HMGN5: variants seen among roughly 807,000 people sequenced by gnomAD.
The protein encoded by HMGN5 is high mobility group nucleosome-binding domain-containing protein 5.
HMGN5 carries 4 observed loss-of-function variants against 9.5 expected under a neutral mutation model. The ratio of observed to expected loss-of-function variants is 0.42; its 90% CI spans 0.21 to 0.96. The LOEUF is 0.96. Ranked by LOEUF, HMGN5 falls within the 40% of genes least tolerant of loss-of-function variation. The pLI is 0.30. For missense variants in HMGN5, 192 were observed against 187.5 expected, an observed-to-expected ratio of 1.02 and a Z score of -0.14; for synonymous variants, 55 against 57.1, an observed-to-expected ratio of 0.96 and a Z score of 0.16.
At chrX:81,149,267 G>A (rs1211162624) in intron 1 of HMGN5, among the ~76,000 whole-genome samples, 1 of 111,763 alleles carries the variant, frequency 8.9e-6, no homozygotes, top group African/African-American at 3.3e-5. Flanking sequence ...AAAAAATGTG[G>A]TGCATATACA....
chrX:81,122,350 G>T (rs1357679338), intron 1 of HMGN5, among the ~76,000 whole-genome samples: 1 of 112,002 alleles, frequency 8.9e-6, no homozygotes, highest in Non-Finnish European at 1.9e-5. Flanking sequence ...AATAGCAGAG[G>T]TCTATCCAAA....
intron 1 of HMGN5, among the ~76,000 whole-genome samples, chrX:81,156,998 C>T: frequency 8.9e-6 from 1 of 111,835 alleles, no homozygotes; most frequent in Non-Finnish European, 1.9e-5. Flanking sequence ...TGAGAACCTC[C>T]ATGAATTTTT....
intron 1 of HMGN5, among the ~76,000 whole-genome samples, chrX:81,193,443 G>T (rs1003667605): frequency 1.8e-5 from 2 of 112,306 alleles, no homozygotes; most frequent in Non-Finnish European, 3.8e-5. Flanking sequence ...AGGCTTTCCA[G>T]CTGACGTCCT....
At chrX:81,182,230 T>C (rs2147644843) in intron 1 of HMGN5, among the ~76,000 whole-genome samples, 1 of 112,534 alleles carries the variant, frequency 8.9e-6, no homozygotes, top group African/African-American at 3.2e-5. Context: ...TATCTGTTTA[T>C]CATTTTTATG....
intron 1 of HMGN5, among the ~76,000 whole-genome samples, chrX:81,183,677 G>A (rs781620088): frequency 8.8e-6 from 1 of 113,014 alleles, no homozygotes; most frequent in South Asian, 3.6e-4. Flanking sequence ...ACCTCTGCTA[G>A]GGCAGCATGG....
chrX:81,117,871 G>A (rs2075258622), intron 5 of HMGN5, among the ~76,000 whole-genome samples: 1 of 110,477 alleles, frequency 9.1e-6, no homozygotes, highest in African/African-American at 3.3e-5. Context: ...ATATTCTTAT[G>A]TATTAAGCAA....
Position 81,186,273 on chromosome X carries a change from C to A in HMGN5, c.-124+15464G>T, listed in dbSNP as rs902950181. Reference sequence around the variant, plus strand: ...TTCTTTACTAAAAATCTTTCTATTACGGCTTCAATCTCATTAGTTGTTACT... The same window carrying A: ...TTCTTTACTAAAAATCTTTCTATTAAGGCTTCAATCTCATTAGTTGTTACT... On this transcript the variant is annotated intron_variant, in intron 1 of 6. Transcript: ENST00000358130. Among the ~76,000 whole-genome samples, 6 of 111,748 alleles carry A rather than the reference C, an allele frequency of 5.4e-5. No individual in the cohort carries two copies. In the East Asian group the frequency reaches 1.4e-3, roughly 26 times the overall value.
chrX:81,117,626 T>C (rs1323992049), intron 5 of HMGN5, among the ~76,000 whole-genome samples: 1 of 111,307 alleles, frequency 9.0e-6, no homozygotes, highest in Non-Finnish European at 1.9e-5. Flanking sequence ...TATATAATAG[T>C]GGACTTGAAA....
chrX:81,157,473 G>T (rs912333672), intron 1 of HMGN5, among the ~76,000 whole-genome samples: 1 of 111,515 alleles, frequency 9.0e-6, no homozygotes, highest in African/African-American at 3.3e-5. Flanking sequence ...TGTCGAAAGC[G>T]TTTCCTTGAA....
intron 1 of HMGN5, among the ~76,000 whole-genome samples, chrX:81,177,549 C>T (rs1463848065): frequency 9.1e-6 from 1 of 109,583 alleles, no homozygotes; most frequent in Non-Finnish European, 1.9e-5. Context: ...TACAGGAGCA[C>T]CCAGATTCAT....
chrX:81,153,936 A>G (rs1307025567), intron 1 of HMGN5, among the ~76,000 whole-genome samples: 2 of 108,511 alleles, frequency 1.8e-5, no homozygotes, highest in East Asian at 5.9e-4. Context: ...TAAAATGTCC[A>G]CACTACCCTA....
intron 1 of HMGN5, among the ~76,000 whole-genome samples, chrX:81,161,067 A>G (rs778357746): frequency 1.8e-5 from 2 of 110,690 alleles, no homozygotes; most frequent in East Asian, 5.7e-4. Flanking sequence ...ATGGCATGAT[A>G]ATGCATCTAC....
intron 1 of HMGN5, among the ~76,000 whole-genome samples, chrX:81,125,068 T>A (rs1313181411): frequency 9.2e-6 from 1 of 108,529 alleles, no homozygotes; most frequent in East Asian, 2.9e-4. Flanking sequence ...TCAAATGTTC[T>A]GTATATTCAT....
intron 1 of HMGN5, among the ~76,000 whole-genome samples, chrX:81,184,243 A>G (rs2075470939): frequency 9.0e-6 from 1 of 111,587 alleles, no homozygotes; most frequent in Non-Finnish European, 1.9e-5. Context: ...AATAGTAATT[A>G]TTGTGAGAAC....
At chrX:81,132,895 C>G (rs1220879197) in intron 1 of HMGN5, among the ~76,000 whole-genome samples, 1 of 110,463 alleles carries the variant, frequency 9.1e-6, no homozygotes, top group Non-Finnish European at 1.9e-5. Context: ...AATAAACAAA[C>G]AAACACCACC....
chrX:81,162,691 AAG>A (rs1436739563), intron 1 of HMGN5, among the ~76,000 whole-genome samples: 1 of 111,430 alleles, frequency 9.0e-6, no homozygotes, highest in African/African-American at 3.3e-5. Flanking sequence ...TCTTCAGGTC[AAG>A]AGGTGCTTAT....
At chrX:81,169,657 A>T (rs2075419995) in intron 1 of HMGN5, among the ~76,000 whole-genome samples, 1 of 111,799 alleles carries the variant, frequency 8.9e-6, no homozygotes, top group Admixed American at 9.5e-5. Flanking sequence ...TTTGTTACTG[A>T]TCCAGCTCAT....
At chrX:81,144,700 T>C (rs901471076) in intron 1 of HMGN5, among the ~76,000 whole-genome samples, 10 of 111,270 alleles carry the variant, frequency 9.0e-5, no homozygotes. Flanking sequence ...ACAAACTCCT[T>C]TGAGCTAAAG....
chrX:81,184,268 T>C (rs974034019), intron 1 of HMGN5, among the ~76,000 whole-genome samples: 4 of 111,478 alleles, frequency 3.6e-5, no homozygotes, highest in Non-Finnish European at 7.5e-5. Context: ...TGTTTAAAAG[T>C]GTATAGTACC....
Sources: allele counts gnomAD v4.1 joint callset (sites outside exome capture counted in the v4.1 genomes callset), GRCh38; gene constraint gnomAD v4.1.1; transcripts MANE v1.5; gene names NCBI Gene and HGNC (gene_info 2026-07-23, HGNC 2026-07-21).